The following FBXL7 variants were observed in gnomAD, a reference collection of about 807,000 sequenced individuals.
FBXL7 encodes the protein F-box/LRR-repeat protein 7.
In FBXL7, 12 loss-of-function variants were observed where a neutral mutation model predicts 38.3. The ratio of observed to expected loss-of-function variants is 0.31; its 90% confidence interval spans 0.20 to 0.51. The LOEUF (loss-of-function observed/expected upper bound fraction) is 0.51. FBXL7 is among the 20% of genes least tolerant of loss of function. The probability of loss-of-function intolerance (pLI) is 0.98; values close to 1 mark genes in which losing one functional copy is unlikely to be tolerated. For synonymous variants in FBXL7, 297 were observed against 300.9 expected (o/e 0.99, Z 0.13); for missense variants, 567 against 676.4 (o/e 0.84, Z 1.79).
At position 15,928,242 on chromosome 5, in the gene FBXL7, G is replaced by T. The variant is rs764304989; in HGVS notation, c.480G>T (p.Thr160=). 8 of 1,611,324 alleles carry T rather than the reference G, an allele frequency of 5.0e-6. No individual in the cohort carries two copies. Among genetic ancestry groups the T allele is most frequent in the Non-Finnish European group, 6.8e-6 (8 of 1,178,872 alleles). Residue 160 remains threonine, a synonymous_variant, in exon 3 of 4, where the codon ACG becomes ACT. Transcript: ENST00000504595. The surrounding 1 kb of genome is among the most constrained non-coding windows in gnomAD (Gnocchi z 4.0). ...DPRLWRTIRL[T]GETINVDRAL... ...GGCTCTGGAGGACTATCCGCCTGAC[G>T]GGCGAGACCATCAACGTGGACCGCG...
chr5:15,898,743 A>G (rs565512214), intron 2 of FBXL7, among the ~76,000 whole-genome samples: 5 of 152,348 alleles, frequency 3.3e-5, no homozygotes, highest in Non-Finnish European at 5.9e-5. Flanking sequence ...CATTATGCCC[A>G]TAGAAAAACG....
At chr5:15,735,864 G>A (rs1420687102) in intron 2 of FBXL7, among the ~76,000 whole-genome samples, 1 of 152,168 alleles carries the variant, frequency 6.6e-6, no homozygotes, top group African/African-American at 2.4e-5. Flanking sequence ...ATAGTGTGGT[G>A]CACTGAGTTT....
chr5:15,845,216 A>G lies in FBXL7; in HGVS notation c.128-82674A>G, dbSNP rs373722346. Among the ~76,000 whole-genome samples, 36 of 152,308 alleles carry G rather than the reference A, an allele frequency of 2.4e-4. No individual in the cohort carries two copies. In the East Asian group the frequency reaches 6.2e-3, roughly 26 times the overall value. On this transcript the variant is annotated intron_variant, in intron 2 of 3. Transcript: ENST00000504595. ...ACTTGAGGAAGCACACATTTGGACAATTTCCTTATGCTGGTAATGGTTATT... is the reference window on the plus strand; with the variant it reads ...ACTTGAGGAAGCACACATTTGGACAGTTTCCTTATGCTGGTAATGGTTATT...
At chr5:15,894,940 A>C (rs1364220074) in intron 2 of FBXL7, among the ~76,000 whole-genome samples, 1 of 152,198 alleles carries the variant, frequency 6.6e-6, no homozygotes, top group African/African-American at 2.4e-5. Flanking sequence ...AGAAGAAAAA[A>C]TAAGCCTTCC....
At position 15,927,927 on chromosome 5, in the gene FBXL7, C is replaced by A; in HGVS notation, c.165C>A (p.Ser55Arg). ...GCATGCGCACACTGAGCACGCCCAG[C>A]CCAGCCCTGATATGTCCACCGAATC... ...DLSMRTLSTP[S>R]PALICPPNLP... The change falls in exon 3 of 4, where the codon AGC becomes AGA. Residue 55 changes from serine (S) to arginine (R), a missense_variant. Transcript: ENST00000504595. 6.4e-7 allele frequency: 1 copy of A among 1,550,580 alleles called. No homozygotes were observed. The highest frequency in any genetic ancestry group is 2.3e-5 in the East Asian group (1 of 44,350).
intron 1 of FBXL7, among the ~76,000 whole-genome samples, chr5:15,526,798 C>T (rs555057259): frequency 6.6e-6 from 1 of 152,154 alleles, no homozygotes; most frequent in African/African-American, 2.4e-5. Context: ...AAAGTTTATA[C>T]CTCATTTTAG....
At chr5:15,920,128 G>A (rs1289840454) in intron 2 of FBXL7, among the ~76,000 whole-genome samples, 2 of 152,112 alleles carry the variant, frequency 1.3e-5, no homozygotes, top group African/African-American at 4.8e-5. Flanking sequence ...ATGCTGGCAG[G>A]CGCCTGTAAT....
At chr5:15,886,808 T>C (rs547789133) in intron 2 of FBXL7, among the ~76,000 whole-genome samples, 1 of 152,240 alleles carries the variant, frequency 6.6e-6, no homozygotes, top group Non-Finnish European at 1.5e-5. Flanking sequence ...CATGTGCACA[T>C]GTGTGTGCCT....
chr5:15,528,594 C>T (rs1334762635), intron 1 of FBXL7, among the ~76,000 whole-genome samples: 1 of 152,132 alleles, frequency 6.6e-6, no homozygotes, highest in Non-Finnish European at 1.5e-5. Flanking sequence ...AAACCATCAG[C>T]TCTTATTAGA....
At chr5:15,747,190 A>T (rs976949156) in intron 2 of FBXL7, among the ~76,000 whole-genome samples, 2 of 152,204 alleles carry the variant, frequency 1.3e-5, no homozygotes, top group African/African-American at 4.8e-5. Context: ...AGGCAATTAC[A>T]TAGTATATGC....
intron 2 of FBXL7, among the ~76,000 whole-genome samples, chr5:15,904,556 G>C (rs1048899895): frequency 1.3e-5 from 2 of 151,896 alleles, no homozygotes; most frequent in Admixed American, 1.3e-4. Flanking sequence ...GAACAACTGT[G>C]GTCAAAGTCA....
intron 1 of FBXL7, among the ~76,000 whole-genome samples, chr5:15,524,373 G>A (rs1369946103): frequency 2.6e-5 from 4 of 152,070 alleles, no homozygotes; most frequent in Non-Finnish European, 5.9e-5. Flanking sequence ...GGGGCTGAAG[G>A]GCTCATTTCT....
At chr5:15,935,198 G>A (rs1281995242) in intron 3 of FBXL7, 2 of 534,692 alleles carry the variant, frequency 3.7e-6, no homozygotes, top group Admixed American at 1.9e-5. Context: ...ATCCTTGGGA[G>A]CCCTGTTAGA....
chr5:15,502,104 G>A (rs1394511580), intron 1 of FBXL7, among the ~76,000 whole-genome samples: 3 of 152,010 alleles, frequency 2.0e-5, no homozygotes, highest in Non-Finnish European at 1.5e-5. Flanking sequence ...TTCTTACTCC[G>A]AGTTATTAAA....
At chr5:15,720,589 T>C (rs1744167416) in intron 2 of FBXL7, among the ~76,000 whole-genome samples, 2 of 148,522 alleles carry the variant, frequency 1.3e-5, no homozygotes, top group African/African-American at 4.9e-5. Context: ...ACCTAGCTAA[T>C]TTTATTTCTG....
chr5:15,636,719 A>G (rs1035413981), intron 2 of FBXL7, among the ~76,000 whole-genome samples: 6 of 132,480 alleles, frequency 4.5e-5, no homozygotes, highest in Non-Finnish European at 6.5e-5. Context: ...CTGATTATTT[A>G]TGTTGGCTTT....
chr5:15,867,662 G>T (rs1180765656), intron 2 of FBXL7, among the ~76,000 whole-genome samples: 1 of 152,176 alleles, frequency 6.6e-6, no homozygotes, highest in African/African-American at 2.4e-5. Flanking sequence ...TTAATAGAGG[G>T]AGATTAATCT....
intron 1 of FBXL7, among the ~76,000 whole-genome samples, chr5:15,593,714 A>G (rs1199798513): frequency 1.3e-5 from 2 of 152,114 alleles, no homozygotes; most frequent in African/African-American, 4.8e-5. Flanking sequence ...TTGTGTAACA[A>G]ATATTTTTTA....
intron 2 of FBXL7, among the ~76,000 whole-genome samples, chr5:15,767,455 G>T (rs1436996945): frequency 1.3e-5 from 2 of 152,124 alleles, no homozygotes; most frequent in Non-Finnish European, 1.5e-5. Context: ...GAAGGCTACA[G>T]CTCGGTGGAA....
Sources: allele counts gnomAD v4.1 joint callset (sites outside exome capture counted in the v4.1 genomes callset), GRCh38; gene constraint gnomAD v4.1.1; non-coding constraint Gnocchi (gnomAD v3.1); transcripts MANE v1.5; gene names NCBI Gene and HGNC (gene_info 2026-07-23, HGNC 2026-07-21).